The following RAD51B variants were observed in gnomAD, a reference collection of about 807,000 sequenced individuals.
RAD51B encodes RAD51 paralog B.
A neutral mutation model predicts 42.2 loss-of-function variants in RAD51B; 38 were observed. That is an observed-to-expected ratio of 0.90 (90% CI 0.70 to 1.18). RAD51B has a LOEUF of 1.18. Among genes scored for constraint, RAD51B ranks in the 50% most tolerant of loss-of-function variants. RAD51B has a pLI of 0.00. For synonymous variants in RAD51B, 154 were observed against 145.2 expected, an observed-to-expected ratio of 1.06 and a Z score of -0.43; for missense variants, 373 against 400.7, an observed-to-expected ratio of 0.93 and a Z score of 0.59.
intron 7 of RAD51B, among the ~76,000 whole-genome samples, chr14:68,091,911 A>C (rs2077106069): frequency 6.6e-6 from 1 of 152,160 alleles, no homozygotes; most frequent in Non-Finnish European, 1.5e-5. Flanking sequence ...TCAGCTTTCT[A>C]CATATAGCTA....
chr14:68,614,699 GT>G (rs1891789817), downstream of RAD51B, among the ~76,000 whole-genome samples: 2 of 152,218 alleles, frequency 1.3e-5, no homozygotes, highest in Non-Finnish European at 2.9e-5. Flanking sequence ...AATGTCATTT[GT>G]TTTCATAGCT....
At chr14:68,631,475 C>T (rs1182861675) in intron 10 of RAD51B, among the ~76,000 whole-genome samples, 1 of 152,100 alleles carries the variant, frequency 6.6e-6, no homozygotes, top group Non-Finnish European at 1.5e-5. Context: ...CTTGGGGAGT[C>T]ACTACAGCTC....
At position 68,166,682 on chromosome 14, in the gene RAD51B, G is replaced by A. The variant is rs2877435; in HGVS notation, c.757-125202G>A. Among the ~76,000 whole-genome samples, 901 of 152,214 alleles carry A rather than the reference G, an allele frequency of 5.9e-3. 7 individuals carry two copies. The highest frequency in any genetic ancestry group is 0.021 in the African/African-American group (859 of 41,540). ...ATCATTCCCATTAGCACCAGTCTGC[G>A]GATTCCCAAACATGTATTTCTAGGC... On this transcript the variant is annotated intron_variant, in intron 7 of 10. Transcript: ENST00000471583.
intron 8 of RAD51B, among the ~76,000 whole-genome samples, chr14:68,342,098 C>T (rs143748296): frequency 3.3e-5 from 5 of 152,290 alleles, no homozygotes; most frequent in Admixed American, 3.3e-4. Flanking sequence ...TACCCCTTGA[C>T]TCTATCACAT....
chr14:68,446,669 A>G (rs1389830146), intron 9 of RAD51B, among the ~76,000 whole-genome samples: 1 of 152,224 alleles, frequency 6.6e-6, no homozygotes, highest in East Asian at 1.9e-4. Flanking sequence ...TTGCCACCAT[A>G]TGAAGGAACT....
rs1334945490 is a variant in RAD51B, at chr14:67,828,514, T to A, written c.198+2937T>A. Among the ~76,000 whole-genome samples the A allele has an allele frequency of 2.0e-5, 3 of 152,198 alleles. No homozygotes were observed. In the East Asian group the frequency reaches 5.8e-4, roughly 29 times the overall value. On this transcript the variant is annotated intron_variant, in intron 3 of 10. Transcript: ENST00000471583. Reference sequence around the variant, plus strand: ...TCCCACTTGTCAATTTTGCTTTTGTTCCAATTACTTTTGGCATTTTTGTCA... The same window carrying A: ...TCCCACTTGTCAATTTTGCTTTTGTACCAATTACTTTTGGCATTTTTGTCA...
chr14:68,187,417 T>C (rs2079180348), intron 7 of RAD51B, among the ~76,000 whole-genome samples: 1 of 151,984 alleles, frequency 6.6e-6, no homozygotes, highest in East Asian at 1.9e-4. Flanking sequence ...GCTGACCACA[T>C]AGAAATGTGG....
chr14:68,168,597 A>G (rs1264900419), intron 7 of RAD51B, among the ~76,000 whole-genome samples: 1 of 152,146 alleles, frequency 6.6e-6, no homozygotes, highest in Non-Finnish European at 1.5e-5. Flanking sequence ...GATAGGGACC[A>G]AAGCTGTTTT....
At chr14:68,505,794 C>T (rs1200087427) in intron 10 of RAD51B, among the ~76,000 whole-genome samples, 1 of 152,118 alleles carries the variant, frequency 6.6e-6, no homozygotes, top group Non-Finnish European at 1.5e-5. Flanking sequence ...CTCAGGAAAT[C>T]CGCCCGCCTC....
chr14:68,594,583 CAT>C lies in RAD51B; in HGVS notation c.1137_1138del (p.Thr380ProfsTer19). ...GCAGCTAGGACTACAGATGTGCCAC[CAT>C]ACCCAGCTAATTTTTTAATTTTTTG... On this transcript the variant is annotated frameshift_variant, in exon 11 of 11. Transcript: ENST00000487270. LOFTEE classifies it high-confidence loss of function. 7.7e-7 allele frequency: 1 copy of C among 1,298,704 alleles called. No homozygotes were observed. The highest frequency in any genetic ancestry group is 1.0e-6 in the Non-Finnish European group (1 of 987,352). The allele number at this position is 1,298,704 out of a possible 1,614,324, so 80.4% of individuals were successfully genotyped here.
chr14:68,258,512 A>G (rs1183112630), intron 7 of RAD51B, among the ~76,000 whole-genome samples: 2 of 152,096 alleles, frequency 1.3e-5, no homozygotes, highest in African/African-American at 4.8e-5. Context: ...TTCCAGAAAC[A>G]TATCTCTTTA....
At chr14:68,286,411 G>C (rs2081415490) in intron 7 of RAD51B, among the ~76,000 whole-genome samples, 1 of 152,202 alleles carries the variant, frequency 6.6e-6, no homozygotes, top group African/African-American at 2.4e-5. Flanking sequence ...TATCTCTTCT[G>C]CTGACCAAAC....
chr14:68,510,830 G>A (rs1014581032), intron 10 of RAD51B, among the ~76,000 whole-genome samples: 11 of 152,162 alleles, frequency 7.2e-5, no homozygotes, highest in Non-Finnish European at 1.6e-4. Flanking sequence ...TAGGATCATT[G>A]AAAAGAAAAG....
intron 7 of RAD51B, among the ~76,000 whole-genome samples, chr14:67,972,484 C>G (rs767738761): frequency 2.0e-4 from 30 of 152,064 alleles, no homozygotes; most frequent in Non-Finnish European, 2.9e-4. Flanking sequence ...CCTTTCATGT[C>G]TATGTCTGCC....
chr14:68,362,197 A>T (rs1056456027), intron 8 of RAD51B, among the ~76,000 whole-genome samples: 3 of 152,188 alleles, frequency 2.0e-5, no homozygotes, highest in Non-Finnish European at 2.9e-5. Flanking sequence ...TGCCTAACAC[A>T]TTGTGAGCTC....
At chr14:68,642,999 T>C (rs1410601824) in intron 10 of RAD51B, among the ~76,000 whole-genome samples, 1 of 152,254 alleles carries the variant, frequency 6.6e-6, no homozygotes, top group East Asian at 1.9e-4. Flanking sequence ...TGTTTAGGTG[T>C]GTTTCATGGC....
intron 10 of RAD51B, among the ~76,000 whole-genome samples, chr14:68,560,515 C>T (rs1459865889): frequency 6.6e-6 from 1 of 152,148 alleles, no homozygotes; most frequent in Non-Finnish European, 1.5e-5. Flanking sequence ...GTGGGCGGAT[C>T]ACCTGAGGTC....
intron 8 of RAD51B, among the ~76,000 whole-genome samples, chr14:68,316,990 T>A (rs2082075196): frequency 6.6e-6 from 1 of 152,188 alleles, no homozygotes; most frequent in South Asian, 2.1e-4. Flanking sequence ...ATAATTGGAA[T>A]GTAGATCATG....
chr14:68,093,492 G>A (rs936604594), intron 7 of RAD51B, among the ~76,000 whole-genome samples: 61 of 152,142 alleles, frequency 4.0e-4, no homozygotes, highest in Non-Finnish European at 1.9e-4. Flanking sequence ...TTGCATAGAG[G>A]TGTTTATAGT....
Sources: gnomAD v4.1 joint callset for allele counts (sites outside exome capture counted in the v4.1 genomes callset) on GRCh38, gnomAD v4.1.1 for gene constraint, MANE v1.5 for transcripts, NCBI Gene and HGNC (gene_info 2026-07-23, HGNC 2026-07-21) for gene names.